CTNNB1: variants seen among roughly 807,000 people sequenced by gnomAD.
The protein encoded by CTNNB1 is catenin beta-1.
CTNNB1 carries 6 observed loss-of-function variants against 82.5 expected under a neutral mutation model. The observed-to-expected ratio is 0.07, with a 90% CI of 0.04 to 0.14. CTNNB1 has a LOEUF of 0.14. Among genes scored for constraint, CTNNB1 ranks in the 10% least tolerant of loss-of-function variants. The probability of loss-of-function intolerance (pLI) is 1.00; values close to 1 mark genes in which losing one functional copy is unlikely to be tolerated. For synonymous variants in CTNNB1, 312 were observed against 329.7 expected, an observed-to-expected ratio of 0.95 and a Z score of 0.58; for missense variants, 529 against 980.4, an observed-to-expected ratio of 0.54 and a Z score of 6.15.
chr3:41,240,117 T>TAATC lies in CTNNB1; in HGVS notation c.*777_*780dup, dbSNP rs1162541042. 4.5e-5 allele frequency: 9 copies of TAATC among 202,232 alleles called. No individual in the cohort carries two copies. The highest frequency in any genetic ancestry group is 1.8e-4 in the African/African-American group (8 of 43,342). 12.5% of individuals were successfully genotyped at this position (202,232 alleles called of 1,614,324 possible). A position where few individuals can be genotyped will look rare whatever the true frequency, so the allele number is the denominator to read the frequency against. ...AGTAATGGTGTAGAACACTAATTCATAATCACTCTAATTAATTGTAATCTG... is the reference window on the plus strand; with the variant it reads ...AGTAATGGTGTAGAACACTAATTCATAATCAATCACTCTAATTAATTGTAATCTG... On this transcript the variant is annotated 3_prime_UTR_variant, in exon 15 of 15. Coordinates refer to ENST00000349496, the MANE Select transcript of CTNNB1 (RefSeq NM_001904.4).
At chr3:41,234,442 C>T (rs886201966) in intron 10 of CTNNB1, 145 bp downstream of exon 10, 6 of 823,974 alleles carry the variant, frequency 7.3e-6, no homozygotes, top group East Asian at 2.7e-5. Flanking sequence ...AATAATTACA[C>T]ATTTCTATGG....
chr3:41,215,382 CAA>C (rs35166040), intron 1 of CTNNB1, among the ~76,000 whole-genome samples: 8 of 48,846 alleles, frequency 1.6e-4, no homozygotes, highest in African/African-American at 8.0e-4. Flanking sequence ...AACACCATCT[CAA>C]AAAAAAAAAA....
rs545595743 is a variant in CTNNB1, at chr3:41,210,364, G to C, written c.-49+10694G>C. Among the ~76,000 whole-genome samples, 402 of 152,304 alleles carry C rather than the reference G, an allele frequency of 2.6e-3. 4 individuals carry two copies. The highest frequency in any genetic ancestry group is 0.014 in the Middle Eastern group (4 of 294). Reference sequence around the variant, plus strand: ...AGCTACTTGGGAGGCTGAGGCAGGAGAATGGCGTGAACCCAGGAGGCGGAG... The same window carrying C: ...AGCTACTTGGGAGGCTGAGGCAGGACAATGGCGTGAACCCAGGAGGCGGAG... On this transcript the variant is annotated intron_variant, in intron 1 of 14. Coordinates refer to ENST00000349496, the MANE Select transcript of CTNNB1 (RefSeq NM_001904.4).
chr3:41,218,229 T>G (rs1343708227), intron 1 of CTNNB1, among the ~76,000 whole-genome samples: 1 of 152,210 alleles, frequency 6.6e-6, no homozygotes, highest in Non-Finnish European at 1.5e-5. Context: ...AAATATTACC[T>G]TCTTCATTTA....
intron 1 of CTNNB1, among the ~76,000 whole-genome samples, chr3:41,213,397 C>T (rs576553809): frequency 1.1e-4 from 17 of 152,290 alleles, no homozygotes; most frequent in Admixed American, 4.6e-4. Context: ...GCTGTGTAAT[C>T]CCACTCCCTT....
chr3:41,236,013 GGGA>G (rs991221030), intron 11 of CTNNB1, 170 bp downstream of exon 11: 5 of 846,854 alleles, frequency 5.9e-6, no homozygotes, highest in African/African-American at 5.1e-5. Flanking sequence ...CTTGAGAAGA[GGGA>G]GGAGATTTCA....
chr3:41,200,439 TG>T (rs2077502097), intron 1 of CTNNB1: 1 of 152,306 alleles, frequency 6.6e-6, no homozygotes. Context: ...GTAGTGGGTA[TG>T]AGACCCTGGT....
At chr3:41,214,157 A>G (rs2077861486) in intron 1 of CTNNB1, among the ~76,000 whole-genome samples, 1 of 152,134 alleles carries the variant, frequency 6.6e-6, no homozygotes, top group South Asian at 2.1e-4. Flanking sequence ...AGTTTGGATC[A>G]TATGGTTTGA....
At chr3:41,226,016 GAC>G (rs925982080) in intron 6 of CTNNB1, among the ~76,000 whole-genome samples, 155 bp downstream of exon 6, 1 of 152,166 alleles carries the variant, frequency 6.6e-6, no homozygotes, top group African/African-American at 2.4e-5. Flanking sequence ...GTTTCTGGAT[GAC>G]ACCATTCCAC....
At chr3:41,228,391 G>T (rs2078227549) in intron 7 of CTNNB1, among the ~76,000 whole-genome samples, 1 of 152,032 alleles carries the variant, frequency 6.6e-6, no homozygotes, top group African/African-American at 2.4e-5. Context: ...GTCATTTTTT[G>T]ACTTTTTATT....
chr3:41,236,768 G>T, intron 13 of CTNNB1, 59 bp downstream of exon 13: 1 of 1,609,274 alleles, frequency 6.2e-7, no homozygotes. Flanking sequence ...ATGGCAGCTT[G>T]TTCTTTCCTC....
At chr3:41,222,858 T>C (rs1011512771) in intron 1 of CTNNB1, among the ~76,000 whole-genome samples, 1 of 152,130 alleles carries the variant, frequency 6.6e-6, no homozygotes, top group Admixed American at 6.5e-5. Context: ...CAGAAATACA[T>C]TGGAGGCTGG....
chr3:41,237,849 T>G, intron 13 of CTNNB1, 167 bp from the exon 14 acceptor site: 1 of 638,488 alleles, frequency 1.6e-6, no homozygotes, highest in South Asian at 1.8e-5. Context: ...AAAATGTATC[T>G]TTGAGGTGTG....
At chr3:41,232,837 G>A (rs1282700868) in intron 7 of CTNNB1, among the ~76,000 whole-genome samples, 4 of 151,926 alleles carry the variant, frequency 2.6e-5, no homozygotes, top group Non-Finnish European at 4.4e-5. Context: ...ATTTAAAATC[G>A]CAGCCCCACT....
Position 41,229,568 on chromosome 3 carries a change from A to G in CTNNB1, c.1081+2216A>G, listed in dbSNP as rs1269806833. Among the ~76,000 whole-genome samples, 4 of 151,992 alleles carry G rather than the reference A, an allele frequency of 2.6e-5. No individual in the cohort carries two copies. In the South Asian group the frequency reaches 6.2e-4, roughly 24 times the overall value. ...TGTACATTGATTTTTATATCCTGAA[A>G]CTTTGCTGAAGTTTATTGGATCAAG... is the stretch of plus-strand genomic sequence containing the variant. On this transcript the variant is annotated intron_variant, in intron 7 of 14. Coordinates refer to ENST00000349496, the MANE Select transcript of CTNNB1 (RefSeq NM_001904.4).
At chr3:41,231,939 G>A (rs1016451060) in intron 7 of CTNNB1, among the ~76,000 whole-genome samples, 3 of 152,164 alleles carry the variant, frequency 2.0e-5, no homozygotes, top group Non-Finnish European at 4.4e-5. Context: ...ACCCTCAGAA[G>A]GCATCCTTAA....
chr3:41,221,323 G>T (rs1430214698), intron 1 of CTNNB1: 1 of 150,962 alleles, frequency 6.6e-6, no homozygotes, highest in Non-Finnish European at 1.5e-5. Flanking sequence ...AGTTGAAACA[G>T]TGGTATTTAT....
chr3:41,205,648 C>T (rs189565836), intron 1 of CTNNB1, among the ~76,000 whole-genome samples: 20 of 151,978 alleles, frequency 1.3e-4, no homozygotes, highest in African/African-American at 4.8e-4. Context: ...TGCACTCCAG[C>T]TGGGGCAACA....
chr3:41,208,558 C>T (rs2077702278), intron 1 of CTNNB1, among the ~76,000 whole-genome samples: 1 of 152,190 alleles, frequency 6.6e-6, no homozygotes, highest in Non-Finnish European at 1.5e-5. Context: ...TTTATCTATC[C>T]AAGCTTTTCC....
Sources: allele counts gnomAD v4.1 joint callset (sites outside exome capture counted in the v4.1 genomes callset), GRCh38; gene constraint gnomAD v4.1.1; transcripts MANE v1.5; gene names NCBI Gene and HGNC (gene_info 2026-07-23, HGNC 2026-07-21).